PCBP3: variants seen among roughly 807,000 people sequenced by gnomAD.
The protein encoded by PCBP3 is poly(rC) binding protein 3.
PCBP3 carries 25 observed loss-of-function variants against 52.7 expected under a neutral mutation model. That is an observed-to-expected ratio of 0.47 (90% CI 0.35 to 0.66). PCBP3 has a LOEUF of 0.66. PCBP3 is among the 30% of genes least tolerant of loss of function. PCBP3 has a pLI of 0.01. For synonymous variants in PCBP3, 162 were observed against 183.0 expected (o/e 0.89, Z 0.93); for missense variants, 391 against 490.3 (o/e 0.80, Z 1.91).
chr21:45,820,690 G>C (rs571028554), intron 4 of PCBP3, among the ~76,000 whole-genome samples: 13 of 152,316 alleles, frequency 8.5e-5, no homozygotes, highest in Non-Finnish European at 1.8e-4. Flanking sequence ...TGGTTTCTGA[G>C]AAGCCAGAGG....
intron 5 of PCBP3, among the ~76,000 whole-genome samples, chr21:45,863,545 C>T (rs2094588278): frequency 6.6e-6 from 1 of 152,204 alleles, no homozygotes; most frequent in Admixed American, 6.5e-5. Flanking sequence ...ATGAGGGGAG[C>T]TGGGCAAAAA....
At chr21:45,857,784 C>G (rs768584129) in intron 5 of PCBP3, among the ~76,000 whole-genome samples, 1 of 152,208 alleles carries the variant, frequency 6.6e-6, no homozygotes, top group African/African-American at 2.4e-5. Context: ...TTCTTGTTGA[C>G]AGGAGCCAGC....
At chr21:45,712,988 G>A (rs141634462) in intron 2 of PCBP3, among the ~76,000 whole-genome samples, 17 of 152,228 alleles carry the variant, frequency 1.1e-4, no homozygotes, top group African/African-American at 3.9e-4. Flanking sequence ...GCCTCCCAAA[G>A]TGTTGGGATT....
intron 4 of PCBP3, among the ~76,000 whole-genome samples, chr21:45,816,761 TAGAA>T (rs1010513681): frequency 1.4e-4 from 21 of 150,178 alleles, no homozygotes; most frequent in East Asian, 3.9e-4. Flanking sequence ...TTTTAATAAA[TAGAA>T]GGAGTACACT....
At position 45,729,938 on chromosome 21, in the gene PCBP3, T is replaced by A. The variant is rs185064737; in HGVS notation, c.-199-5454T>A. Among the ~76,000 whole-genome samples the A allele has an allele frequency of 2.2e-3, 329 of 152,132 alleles. 1 individual carries two copies. The highest frequency in any genetic ancestry group is 7.3e-3 in the African/African-American group (304 of 41,500). On this transcript the variant is annotated intron_variant, in intron 2 of 17. Coordinates refer to ENST00000681687, the MANE Select transcript of PCBP3 (RefSeq NM_001384156.1). ...ACCATGCCTGGTTAATGTAAAAAAA[T>A]TTTTTTGTAGAGAGTAGGTCTTGCT...
intron 4 of PCBP3, chr21:45,761,964 T>G (rs1300708442): frequency 6.6e-6 from 1 of 152,284 alleles, no homozygotes; most frequent in Non-Finnish European, 1.5e-5. Flanking sequence ...GAATGCACTG[T>G]CATTCCTGAC....
chr21:45,868,785 C>T (rs1195571059), intron 5 of PCBP3, among the ~76,000 whole-genome samples: 1 of 152,240 alleles, frequency 6.6e-6, no homozygotes, highest in Non-Finnish European at 1.5e-5. Context: ...GTGGCCGAGA[C>T]AGGGAAGGGA....
chr21:45,726,235 T>C (rs4819146), intron 2 of PCBP3, among the ~76,000 whole-genome samples: 103,714 of 151,502 alleles, frequency 0.68, 36,856 homozygotes, highest in African/African-American at 0.88. Flanking sequence ...AGGTAACAGA[T>C]GTCCAAGTGG....
intron 4 of PCBP3, among the ~76,000 whole-genome samples, chr21:45,797,235 G>T (rs530658486): frequency 2.1e-3 from 282 of 131,722 alleles, no homozygotes; most frequent in Non-Finnish European, 3.7e-3. Context: ...TAAAGAAAGT[G>T]AATGTGTGCA....
intron 4 of PCBP3, among the ~76,000 whole-genome samples, chr21:45,808,433 A>G (rs1446933385): frequency 2.0e-5 from 3 of 152,190 alleles, no homozygotes; most frequent in Non-Finnish European, 4.4e-5. Context: ...AAAAAACGTG[A>G]AAAAAAGCTA....
In PCBP3 at chr21:45,735,926, C is replaced by T. The variant is rs530744952; in HGVS notation, c.-162+497C>T. Among the ~76,000 whole-genome samples, 4 of 152,328 alleles carry T rather than the reference C, an allele frequency of 2.6e-5. No homozygotes were observed. The highest frequency in any genetic ancestry group is 1.9e-4 in the East Asian group (1 of 5,182). On this transcript the variant is annotated intron_variant, in intron 3 of 17. Transcript: ENST00000681687. The surrounding 1 kb of genome is among the most constrained non-coding windows in gnomAD (Gnocchi z 4.0). ...GACATCTGTGGAAAGGACCTGGCACCGGCCAGCACACAGAGGCACTCACCT... is the reference window on the plus strand; with the variant it reads ...GACATCTGTGGAAAGGACCTGGCACTGGCCAGCACACAGAGGCACTCACCT...
chr21:45,843,129 GT>G (rs141356928), intron 4 of PCBP3, among the ~76,000 whole-genome samples: 22,024 of 151,768 alleles, frequency 0.15, 1,737 homozygotes, highest in Middle Eastern at 0.28. Flanking sequence ...GGCCCAGCCA[GT>G]CCCCCTTCTT....
intron 4 of PCBP3, among the ~76,000 whole-genome samples, chr21:45,818,860 A>G (rs1349229377): frequency 6.6e-6 from 1 of 152,236 alleles, no homozygotes; most frequent in Non-Finnish European, 1.5e-5. Flanking sequence ...CCATGAAGTG[A>G]TGCGGAGGAA....
At chr21:45,769,427 G>A (rs551855674) in intron 4 of PCBP3, among the ~76,000 whole-genome samples, 12 of 152,386 alleles carry the variant, frequency 7.9e-5, no homozygotes, top group African/African-American at 2.6e-4. Context: ...TGCCTGTGCT[G>A]GGACTGTGGG....
chr21:45,677,636 G>A (rs1386252828), intron 2 of PCBP3, among the ~76,000 whole-genome samples: 1 of 152,180 alleles, frequency 6.6e-6, no homozygotes, highest in Non-Finnish European at 1.5e-5. Flanking sequence ...AGAAGTCAAT[G>A]CCTGGCTTCA....
rs2095376535 is a variant in PCBP3, at chr21:45,880,546, C to G, written c.11-15662C>G. Among the ~76,000 whole-genome samples the G allele has an allele frequency of 6.6e-6, 1 of 152,232 alleles. No individual in the cohort carries two copies. Among genetic ancestry groups the G allele is most frequent in the African/African-American group, 2.4e-5 (1 of 41,460 alleles). ...GAGGCCGTGGAAATTGAGCTGGGCTCAGTGCTCATGGTGTGAATCTGTCTA... is the reference window on the plus strand; with the variant it reads ...GAGGCCGTGGAAATTGAGCTGGGCTGAGTGCTCATGGTGTGAATCTGTCTA... On this transcript the variant is annotated intron_variant, in intron 5 of 17. Transcript: ENST00000681687. This position sits in a 1 kb window ranked among gnomAD's most constrained non-coding sequence, Gnocchi z 5.4.
chr21:45,888,391 A>G (rs1206413484), intron 5 of PCBP3, among the ~76,000 whole-genome samples: 1 of 152,208 alleles, frequency 6.6e-6, no homozygotes, highest in African/African-American at 2.4e-5. Flanking sequence ...TGCTCCTTGC[A>G]TTTATGGGTG....
chr21:45,669,609 A>G (rs1337568010), intron 2 of PCBP3, among the ~76,000 whole-genome samples: 1 of 151,720 alleles, frequency 6.6e-6, no homozygotes, highest in Non-Finnish European at 1.5e-5. Flanking sequence ...CCTGGCAACT[A>G]CCATTCTACT....
chr21:45,825,498 C>T (rs2147545509), intron 4 of PCBP3, among the ~76,000 whole-genome samples: 1 of 152,298 alleles, frequency 6.6e-6, no homozygotes, highest in Admixed American at 6.5e-5. Flanking sequence ...CAACCCATGG[C>T]TGGTGATTTT....
Sources: gnomAD v4.1 joint callset for allele counts (sites outside exome capture counted in the v4.1 genomes callset) on GRCh38, gnomAD v4.1.1 for gene constraint, Gnocchi (gnomAD v3.1) non-coding constraint, MANE v1.5 for transcripts, NCBI Gene and HGNC (gene_info 2026-07-23, HGNC 2026-07-21) for gene names.